The following DCAF1 variants were observed in gnomAD, a reference collection of about 807,000 sequenced individuals.
DCAF1 encodes DDB1- and CUL4-associated factor 1.
A neutral mutation model predicts 128.0 loss-of-function variants in DCAF1; 15 were observed. The ratio of observed to expected loss-of-function variants is 0.12; its 90% CI spans 0.08 to 0.18. The LOEUF (loss-of-function observed/expected upper bound fraction) is 0.18. Ranked by LOEUF, DCAF1 falls within the 10% of genes least tolerant of loss-of-function variation. The pLI, the probability that DCAF1 is intolerant of heterozygous loss-of-function variation, is 1.00. For synonymous variants in DCAF1, 610 were observed against 603.0 expected, an observed-to-expected ratio of 1.01 and a Z score of -0.17; for missense variants, 988 against 1,649.5, an observed-to-expected ratio of 0.60 and a Z score of 6.95.
chr3:51,415,761 G>A (rs1577075989), intron 18 of DCAF1, among the ~76,000 whole-genome samples: 1 of 151,848 alleles, frequency 6.6e-6, no homozygotes, highest in South Asian at 2.1e-4. Flanking sequence ...AGCCAATTTT[G>A]TTTATTTTTT....
At chr3:51,446,706 TC>T (rs1701885857) in intron 6 of DCAF1, among the ~76,000 whole-genome samples, 1 of 151,900 alleles carries the variant, frequency 6.6e-6, no homozygotes, top group Non-Finnish European at 1.5e-5. Flanking sequence ...ACACCTGTAA[TC>T]CCAGAACTTT....
At chr3:51,501,471 C>T (rs1708805277), upstream of DCAF1, among the ~76,000 whole-genome samples, 1 of 152,092 alleles carries the variant, frequency 6.6e-6, no homozygotes, top group Non-Finnish European at 1.5e-5. Context: ...ATTATCTCTC[C>T]GGGAATGCTG....
At chr3:51,454,338 C>T (rs1356185071) in intron 6 of DCAF1, among the ~76,000 whole-genome samples, 2 of 152,120 alleles carry the variant, frequency 1.3e-5, no homozygotes, top group Admixed American at 1.3e-4. Context: ...TATGAGCCAA[C>T]TCACCTGGCC....
At chr3:51,479,347 C>T (rs1322180437) in intron 3 of DCAF1, among the ~76,000 whole-genome samples, 3 of 151,674 alleles carry the variant, frequency 2.0e-5, no homozygotes, top group Non-Finnish European at 4.4e-5. Context: ...ACTAAAAATA[C>T]AAAAAATTAG....
At chr3:51,434,751 G>GT (rs1306345083) in intron 9 of DCAF1, among the ~76,000 whole-genome samples, 4 of 152,104 alleles carry the variant, frequency 2.6e-5, no homozygotes, top group Middle Eastern at 3.2e-3. Context: ...ATGTCTTAAA[G>GT]TTTTTTTATT....
chr3:51,439,699 A>C (rs1553638119), intron 9 of DCAF1, among the ~76,000 whole-genome samples: 1 of 152,058 alleles, frequency 6.6e-6, no homozygotes, highest in Non-Finnish European at 1.5e-5. Context: ...TAGTTTAAAA[A>C]ATTTTTTTGT....
intron 17 of DCAF1, among the ~76,000 whole-genome samples, chr3:51,417,802 AG>A (rs1179892591): frequency 8.5e-5 from 9 of 106,452 alleles, no homozygotes; most frequent in South Asian, 3.6e-4. Flanking sequence ...AGGGGAGGTG[AG>A]GGGGGAGGGG....
chr3:51,416,325 C>T (rs978826781), intron 18 of DCAF1, among the ~76,000 whole-genome samples: 1 of 152,140 alleles, frequency 6.6e-6, no homozygotes, highest in Non-Finnish European at 1.5e-5. Flanking sequence ...CTGAATCTCG[C>T]GTTTCCTTCA....
Position 51,420,149 on chromosome 3 carries a change from C to G in DCAF1, c.2821G>C (p.Ala941Pro). The G allele has an allele frequency of 6.2e-7, 1 of 1,614,022 alleles. No homozygotes were observed. Among genetic ancestry groups the G allele is most frequent in the Non-Finnish European group, 8.5e-7 (1 of 1,179,898 alleles). The change falls in exon 15 of 25, where the codon GCT becomes CCT. Residue 941 changes from alanine to proline, a missense_variant. Coordinates refer to ENST00000684031, the MANE Select transcript of DCAF1 (RefSeq NM_001387579.1). The surrounding 1 kb of genome is among the most constrained non-coding windows in gnomAD (Gnocchi z 6.5). ...CCTGCATAAGATGGGCCGGGCAGAGCTAGCGGACCCTGGGGGGGCCGTGGC... is the reference window on the plus strand; with the variant it reads ...CCTGCATAAGATGGGCCGGGCAGAGGTAGCGGACCCTGGGGGGGCCGTGGC... ...PQPRPPQGPL[A>P]LPGPSYAGNS...
intron 5 of DCAF1, among the ~76,000 whole-genome samples, chr3:51,465,860 C>A (rs919274205): frequency 2.6e-5 from 4 of 151,982 alleles, no homozygotes; most frequent in Non-Finnish European, 4.4e-5. Flanking sequence ...TCAAGGAGTA[C>A]AAAAAAGGTT....
intron 4 of DCAF1, among the ~76,000 whole-genome samples, chr3:51,469,000 G>A (rs1704437252): frequency 6.6e-6 from 1 of 152,086 alleles, no homozygotes; most frequent in Non-Finnish European, 1.5e-5. Flanking sequence ...GAAGATGTGG[G>A]TTAAATGGTG....
intron 6 of DCAF1, among the ~76,000 whole-genome samples, chr3:51,454,908 C>T (rs1279267965): frequency 6.6e-6 from 1 of 150,428 alleles, no homozygotes; most frequent in Admixed American, 6.6e-5. Flanking sequence ...CTCCTAACCT[C>T]GTGATCTGCC....
At chr3:51,482,331 T>C (rs1230683334) in intron 3 of DCAF1, among the ~76,000 whole-genome samples, 3 of 149,558 alleles carry the variant, frequency 2.0e-5, no homozygotes, top group African/African-American at 7.4e-5. Context: ...TGTGGTCTCA[T>C]CTAGTAGGGA....
At chr3:51,487,116 C>T (rs1295600477) in intron 2 of DCAF1, among the ~76,000 whole-genome samples, 5 of 151,572 alleles carry the variant, frequency 3.3e-5, no homozygotes, top group Admixed American at 6.6e-5. Flanking sequence ...GGATTACAGG[C>T]GCACACCACC....
At chr3:51,400,229 C>T (rs1449005401) in intron 24 of DCAF1, among the ~76,000 whole-genome samples, 2 of 152,148 alleles carry the variant, frequency 1.3e-5, no homozygotes, top group Non-Finnish European at 2.9e-5. Flanking sequence ...ACAAAGCAAG[C>T]CTCAGCTCCT....
chr3:51,448,511 T>C (rs13324967), intron 6 of DCAF1, among the ~76,000 whole-genome samples: 4,285 of 152,260 alleles, frequency 0.028, 188 homozygotes, highest in African/African-American at 0.096. Context: ...CATGCATCCC[T>C]ATACCCAGCT....
At chr3:51,407,930 A>G (rs1698027617) in intron 23 of DCAF1, among the ~76,000 whole-genome samples, 1 of 145,020 alleles carries the variant, frequency 6.9e-6, no homozygotes, top group Admixed American at 7.2e-5. Context: ...GGTTGCAGTG[A>G]GCCAAGATCG....
chr3:51,430,356 A>T (rs1700258868), intron 10 of DCAF1, 144 bp from the exon 11 acceptor site: 5 of 558,306 alleles, frequency 9.0e-6, no homozygotes, highest in Non-Finnish European at 1.6e-5. Context: ...AGTTTAGGTA[A>T]TAATACAAAG....
intron 23 of DCAF1, among the ~76,000 whole-genome samples, chr3:51,404,950 T>C (rs1553626156): frequency 6.6e-6 from 1 of 152,036 alleles, no homozygotes; most frequent in African/African-American, 2.4e-5. Context: ...CATAAGCTCA[T>C]ACAAATAACT....
Sources: allele counts gnomAD v4.1 joint callset (sites outside exome capture counted in the v4.1 genomes callset), GRCh38; gene constraint gnomAD v4.1.1; non-coding constraint Gnocchi (gnomAD v3.1); transcripts MANE v1.5; gene names NCBI Gene and HGNC (gene_info 2026-07-23, HGNC 2026-07-21).